The following KCNK9 variants were observed in gnomAD, a reference collection of about 807,000 sequenced individuals.
KCNK9 encodes the protein potassium channel subfamily K member 9.
In KCNK9, 1 loss-of-function variant was observed where a neutral mutation model predicts 10.8. The observed-to-expected ratio is 0.09, with a 90% CI of 0.03 to 0.44. KCNK9 has a LOEUF of 0.44. Among genes scored for constraint, KCNK9 ranks in the 20% least tolerant of loss-of-function variants. The pLI, the probability that KCNK9 is intolerant of heterozygous loss-of-function variation, is 0.97. For missense variants in KCNK9, 303 were observed against 515.0 expected (o/e 0.59, Z 3.98); for synonymous variants, 231 against 222.7 (o/e 1.04, Z -0.33).
chr8:139,690,224 A>G (rs543313531), intron 1 of KCNK9, among the ~76,000 whole-genome samples: 1 of 152,332 alleles, frequency 6.6e-6, no homozygotes, highest in East Asian at 1.9e-4. Context: ...TATTAGCTAC[A>G]TGACCCTGGG....
downstream of KCNK9, among the ~76,000 whole-genome samples, chr8:139,609,249 C>A (rs1330932835): frequency 6.7e-5 from 8 of 118,968 alleles, no homozygotes; most frequent in Non-Finnish European, 1.5e-4. Context: ...CCCCCCCACC[C>A]CCCCCCCACC....
intron 1 of KCNK9, among the ~76,000 whole-genome samples, chr8:139,627,400 G>T (rs1035800174): frequency 6.6e-6 from 1 of 152,210 alleles, no homozygotes; most frequent in Non-Finnish European, 1.5e-5. Context: ...AAGCCTCAGG[G>T]TTTGGGGCTT....
chr8:139,666,202 T>C (rs1428878351), intron 1 of KCNK9, among the ~76,000 whole-genome samples: 1 of 152,202 alleles, frequency 6.6e-6, no homozygotes, highest in African/African-American at 2.4e-5. Flanking sequence ...CTGCAAAGCC[T>C]GGCTTTCCAG....
chr8:139,668,713 C>T (rs1297973749), intron 1 of KCNK9, among the ~76,000 whole-genome samples: 5 of 152,326 alleles, frequency 3.3e-5, no homozygotes, highest in African/African-American at 4.8e-5. Context: ...TGAGCCACCG[C>T]GCCCGTCGTG....
chr8:139,670,696 G>C (rs1441436502), intron 1 of KCNK9, among the ~76,000 whole-genome samples: 1 of 152,176 alleles, frequency 6.6e-6, no homozygotes, highest in Non-Finnish European at 1.5e-5. Context: ...AACATCCTGA[G>C]TCTCAGAGCC....
intron 1 of KCNK9, among the ~76,000 whole-genome samples, chr8:139,697,593 A>G (rs1432819221): frequency 2.6e-5 from 4 of 151,968 alleles, no homozygotes; most frequent in Admixed American, 6.6e-5. Flanking sequence ...GAAGAGGTGT[A>G]TACTGGGGCC....
intron 1 of KCNK9, among the ~76,000 whole-genome samples, chr8:139,696,926 T>C (rs1273169850): frequency 7.0e-6 from 1 of 142,640 alleles, no homozygotes; most frequent in Non-Finnish European, 1.5e-5. Flanking sequence ...GGTGGATGGA[T>C]AGATGGATGA....
chr8:139,663,757 TGA>T (rs1816228805), intron 1 of KCNK9, among the ~76,000 whole-genome samples: 1 of 151,740 alleles, frequency 6.6e-6, no homozygotes, highest in African/African-American at 2.4e-5. Context: ...TGCAACCGCC[TGA>T]GAGACCTCGA....
At chr8:139,635,255 T>C (rs895974606) in intron 1 of KCNK9, among the ~76,000 whole-genome samples, 1 of 152,082 alleles carries the variant, frequency 6.6e-6, no homozygotes, top group Non-Finnish European at 1.5e-5. Context: ...CTGTAGGAGG[T>C]TCAGGTACTA....
At chr8:139,691,237 T>G (rs1184547043) in intron 1 of KCNK9, among the ~76,000 whole-genome samples, 1 of 152,186 alleles carries the variant, frequency 6.6e-6, no homozygotes, top group Non-Finnish European at 1.5e-5. Context: ...ACAAGTGTCC[T>G]GCAGATCCCC....
intron 1 of KCNK9, among the ~76,000 whole-genome samples, chr8:139,669,965 T>C (rs12549976): frequency 0.68 from 104,065 of 152,152 alleles, 36,208 homozygotes; most frequent in Non-Finnish European, 0.75. Context: ...TCTCCATCAG[T>C]GCTCTTGGGT....
At chr8:139,601,825 C>T (rs886201983) in intron 2 of KCNK9, among the ~76,000 whole-genome samples, 3 of 152,126 alleles carry the variant, frequency 2.0e-5, no homozygotes, top group Admixed American at 6.5e-5. Flanking sequence ...TGATGTCAGC[C>T]AGTCATTAAC....
chr8:139,643,177 C>A (rs1472370588), intron 1 of KCNK9, among the ~76,000 whole-genome samples: 1 of 152,202 alleles, frequency 6.6e-6, no homozygotes, highest in Admixed American at 6.5e-5. Context: ...CACTGCCCCA[C>A]AAAGCAGGGG....
downstream of KCNK9, among the ~76,000 whole-genome samples, chr8:139,615,609 A>AAAG (rs1456181716): frequency 1.3e-5 from 2 of 152,112 alleles, no homozygotes; most frequent in Non-Finnish European, 2.9e-5. Flanking sequence ...TTTAACTTTG[A>AAAG]AAGACTCAGT....
rs757543457 is a variant in KCNK9, at chr8:139,620,035, CTG to C, written c.284-938_284-937del. On this transcript the variant is annotated intron_variant, in intron 1 of 1. Transcript: ENST00000520439. ...TTGCTGCAGGGAATCCAAGTCAAGA[CTG>C]TATTTCCTCACATTCGAAATGAAGG... Among the ~76,000 whole-genome samples, 151 of 152,322 alleles carry C rather than the reference CTG, an allele frequency of 9.9e-4. 1 individual carries two copies. The highest frequency in any genetic ancestry group is 1.8e-3 in the Non-Finnish European group (122 of 68,034).
Position 139,617,283 on chromosome 8 carries a change from G to GAAAT in KCNK9, c.*971_*974dup, listed in dbSNP as rs1417928970. 6.6e-6 allele frequency among the ~76,000 whole-genome samples: 1 copy of GAAAT among 152,118 alleles called. No individual in the cohort carries two copies. Among genetic ancestry groups the GAAAT allele is most frequent in the Non-Finnish European group, 1.5e-5 (1 of 68,030 alleles). On this transcript the variant is annotated 3_prime_UTR_variant, in exon 2 of 2. Transcript: ENST00000520439. ...GCTGCACAAAATCATCAATAAGAGG[G>GAAAT]AAATAGATACTCTGGGGTTCCAACA...
chr8:139,689,736 AG>A (rs2129790496), intron 1 of KCNK9, among the ~76,000 whole-genome samples: 1 of 146,968 alleles, frequency 6.8e-6, no homozygotes, highest in Non-Finnish European at 1.5e-5. Flanking sequence ...TCTGCCTCCC[AG>A]GTTCACGCCA....
intron 1 of KCNK9, among the ~76,000 whole-genome samples, chr8:139,671,141 T>C (rs556991650): frequency 5.3e-5 from 8 of 152,346 alleles, no homozygotes; most frequent in African/African-American, 1.9e-4. Flanking sequence ...CACAGGTCTG[T>C]CAAGTGTCAC....
rs550243312 is a variant in KCNK9, at chr8:139,605,064, C to T, written c.*1-3463G>A. ...CAGGTGGAGCTCGGGAGCCCCAATA[C>T]TTGGGCAGCTCCTATGGAGCTGGAA... On this transcript the variant is annotated intron_variant, in intron 2 of 2. Coordinates refer to the KCNK9 transcript ENST00000650269. Among the ~76,000 whole-genome samples the T allele has an allele frequency of 2.6e-5, 4 of 152,348 alleles. No individual in the cohort carries two copies. In the East Asian group the frequency reaches 7.7e-4, roughly 29 times the overall value.
Sources: allele counts gnomAD v4.1 joint callset (sites outside exome capture counted in the v4.1 genomes callset), GRCh38; gene constraint gnomAD v4.1.1; transcripts MANE v1.5; gene names NCBI Gene and HGNC (gene_info 2026-07-23, HGNC 2026-07-21).